TDRD15: variants seen among roughly 807,000 people sequenced by gnomAD.
TDRD15 encodes the protein tudor domain containing 15.
For missense variants in TDRD15, 1,416 were observed against 904.7 expected, an observed-to-expected ratio of 1.57 and a Z score of -7.25; for synonymous variants, 503 against 314.5, an observed-to-expected ratio of 1.60 and a Z score of -6.34.
chr2:21,131,783 T>C (rs1051270959), intron 2 of TDRD15, among the ~76,000 whole-genome samples: 4 of 152,178 alleles, frequency 2.6e-5, no homozygotes, highest in Admixed American at 2.6e-4. Context: ...ATGAATTAAA[T>C]ATATTTTAAA....
In TDRD15 at chr2:21,141,339, T is replaced by G. The variant is rs1208568981; in HGVS notation, c.3872T>G (p.Ile1291Ser). Residue 1291 changes from isoleucine to serine, a missense_variant, in exon 4 of 4, where the codon ATT becomes AGT. By Grantham distance (142) the Ile-to-Ser change is moderately radical (BLOSUM62 -2). Transcript: ENST00000405799. ...PQIKDLPQPQIYLNAKVKGYV... is the reference protein window; with the variant it reads ...PQIKDLPQPQSYLNAKVKGYV... ...ATCAAAGACCTTCCTCAACCGCAAA[T>G]TTATTTGAATGCCAAAGTTAAAGGG... The G allele has an allele frequency of 5.6e-6, 4 of 715,846 alleles. No individual in the cohort carries two copies. The highest frequency in any genetic ancestry group is 1.0e-5 in the Non-Finnish European group (4 of 383,900). 44.3% of individuals were successfully genotyped at this position (715,846 alleles called of 1,614,324 possible).
rs1665922504 is a variant in TDRD15, at chr2:21,141,263, G to A, written c.3796G>A (p.Ala1266Thr). ...VKVVSQSFIR[A>T]LNQTTSQNPY... Reference sequence around the variant, plus strand: ...GGTTGTATCACAGTCTTTTATCAGAGCATTAAATCAAACAACCTCACAAAA... The same window carrying A: ...GGTTGTATCACAGTCTTTTATCAGAACATTAAATCAAACAACCTCACAAAA... Residue 1266 changes from alanine (A) to threonine (T), a missense_variant, in exon 4 of 4, where the codon GCA becomes ACA. Physicochemically the swap from Ala to Thr is moderately conservative, Grantham distance 58 (BLOSUM62 0). Transcript: ENST00000405799. The A allele has an allele frequency of 2.8e-6, 2 of 712,094 alleles. No homozygotes were observed. The highest frequency in any genetic ancestry group is 2.0e-5 in the Admixed American group (1 of 48,986). The allele number at this position is 712,094 out of a possible 1,614,324, so 44.1% of individuals were successfully genotyped here. A position where few individuals can be genotyped will look rare whatever the true frequency, so the allele number is the denominator to read the frequency against.
At chr2:21,131,616 C>T (rs1445471257) in intron 2 of TDRD15, among the ~76,000 whole-genome samples, 1 of 152,100 alleles carries the variant, frequency 6.6e-6, no homozygotes, top group Non-Finnish European at 1.5e-5. Flanking sequence ...AATGTAGAAG[C>T]AGATATGAGA....
chr2:21,130,306 A>G (rs1424053632), intron 2 of TDRD15, among the ~76,000 whole-genome samples: 1 of 152,218 alleles, frequency 6.6e-6, no homozygotes, highest in Non-Finnish European at 1.5e-5. Flanking sequence ...TGATAAACTC[A>G]TTGTAAATTG....
chr2:21,133,621 A>G (rs929038195), intron 2 of TDRD15, among the ~76,000 whole-genome samples: 2 of 152,190 alleles, frequency 1.3e-5, no homozygotes, highest in South Asian at 4.1e-4. Context: ...TGTGAAGATC[A>G]GTTAAACTAG....
At chr2:21,136,852 A>G (rs1228769914) in intron 3 of TDRD15, among the ~76,000 whole-genome samples, 1 of 151,988 alleles carries the variant, frequency 6.6e-6, no homozygotes, top group African/African-American at 2.4e-5. Flanking sequence ...GTGTCTTTCT[A>G]TGCTTAGCTT....
In TDRD15 at chr2:21,141,528, C is replaced by G. The variant is rs1356588154; in HGVS notation, c.4061C>G (p.Ser1354Cys). The change falls in exon 4 of 4, where the codon TCT becomes TGT. Residue 1354 changes from serine (S) to cysteine (C), a missense_variant. Ser to Cys is a moderately radical substitution (Grantham distance 112, BLOSUM62 -1). Transcript: ENST00000405799. ...GGAGATCTTGTAGTTGCAGAATATT[C>G]TGGTGACAATGCCATTTACAGGGCA... The part of the protein sequence containing the change: ...LVGDLVVAEY[S>C]GDNAIYRAVI... 5 of 714,896 alleles carry G rather than the reference C, an allele frequency of 7.0e-6. No homozygotes were observed. Among genetic ancestry groups the G allele is most frequent in the Non-Finnish European group, 7.8e-6 (3 of 383,588 alleles). The allele number at this position is 714,896 out of a possible 1,614,324, so 44.3% of individuals were successfully genotyped here. A position where few individuals can be genotyped will look rare whatever the true frequency, so the allele number is the denominator to read the frequency against.
rs554131199 is a variant in TDRD15 at position 21,143,855 on chromosome 2, T to G, written c.*583T>G. Among the ~76,000 whole-genome samples, 95 of 151,864 alleles carry G rather than the reference T, an allele frequency of 6.3e-4. 2 individuals are homozygous for G. The South Asian group carries it at 0.02, about 31-fold the overall frequency. The stretch of plus-strand genomic sequence containing the variant: ...GGCCACTACGATTTTAAAACGTTGC[T>G]TCACTATCTTTACATTTTTTGAATG... On this transcript the variant is annotated 3_prime_UTR_variant, in exon 4 of 4. Transcript: ENST00000405799.
At chr2:21,147,216 G>A (rs1271228073), downstream of TDRD15, among the ~76,000 whole-genome samples, 1 of 151,862 alleles carries the variant, frequency 6.6e-6, no homozygotes, top group East Asian at 1.9e-4. Context: ...TATATTTAAG[G>A]TGAATACACA....
rs1239114872 is a variant in TDRD15 at position 21,141,809 on chromosome 2, G to T, written c.4342G>T (p.Asp1448Tyr). ...TTATTGTGAATTTTTGAAAAAGCAT[G>T]ATCAGAAATGGGAAGTAAATATGAT... ...TVYCEFLKKH[D>Y]QKWEVNMICD... Residue 1448 changes from aspartate to tyrosine, a missense_variant, in exon 4 of 4, where the codon GAT becomes TAT. Coordinates refer to ENST00000405799, the MANE Select transcript of TDRD15 (RefSeq NM_001306137.2). 1.4e-6 allele frequency: 1 copy of T among 713,798 alleles called. No individual in the cohort carries two copies. Among genetic ancestry groups the T allele is most frequent in the South Asian group, 1.5e-5 (1 of 66,904 alleles). The allele number at this position is 713,798 out of a possible 1,614,324, so 44.2% of individuals were successfully genotyped here.
rs17041808 is a variant in TDRD15, at chr2:21,134,537, T to C, written c.-89-225T>C. 9.3e-3 allele frequency among the ~76,000 whole-genome samples: 1,415 copies of C among 152,138 alleles called. 24 individuals are homozygous for C. The highest frequency in any genetic ancestry group is 0.031 in the African/African-American group (1,275 of 41,550). ...TCAAACATCATAATAAGTCAAATTA[T>C]ATGATAAGGCTGCTATCGGCTTGTT... On this transcript the variant is annotated intron_variant, in intron 2 of 3. Transcript: ENST00000405799.
chr2:21,134,475 C>G (rs1333481486), intron 2 of TDRD15, among the ~76,000 whole-genome samples: 6 of 151,788 alleles, frequency 4.0e-5, no homozygotes, highest in Non-Finnish European at 8.8e-5. Flanking sequence ...GTAGACTGTT[C>G]CATATTTGTG....
chr2:21,137,573 A>G lies in TDRD15; in HGVS notation c.106A>G (p.Ser36Gly), dbSNP rs181321692. The part of the protein sequence containing the change: ...DILVKFQGIK[S>G]NECEFDYHVL... ...TCTGGTGAAATTTCAAGGCATAAAG[A>G]GTAATGAATGTGAGTTTGACTACCA... Residue 36 changes from serine (S) to glycine (G), a missense_variant, in exon 4 of 4, where the codon AGT becomes GGT. By Grantham distance (56) the Ser-to-Gly change is moderately conservative (BLOSUM62 0). Coordinates refer to ENST00000405799, the MANE Select transcript of TDRD15 (RefSeq NM_001306137.2). 2 of 715,596 alleles carry G rather than the reference A, an allele frequency of 2.8e-6. No individual in the cohort carries two copies. Among genetic ancestry groups the G allele is most frequent in the African/African-American group, 1.7e-5 (1 of 57,144 alleles). 44.3% of individuals were successfully genotyped at this position (715,596 alleles called of 1,614,324 possible). A position where few individuals can be genotyped will look rare whatever the true frequency, so the allele number is the denominator to read the frequency against.
Position 21,138,558 on chromosome 2 carries a change from G to A in TDRD15, c.1091G>A (p.Arg364Lys). ...CSLTCLHSPD[R>K]DARIFQLSIF... ...CTGACATGTTTGCACAGTCCAGATA[G>A]AGATGCAAGAATATTTCAACTGAGT... The change falls in exon 4 of 4, where the codon AGA (arginine) becomes AAA (lysine). Residue 364 changes from arginine to lysine, a missense_variant. By Grantham distance (26) the Arg-to-Lys change is conservative. Transcript: ENST00000405799. The A allele has an allele frequency of 1.4e-6, 1 of 715,200 alleles. No homozygotes were observed. Among genetic ancestry groups the A allele is most frequent in the Non-Finnish European group, 2.6e-6 (1 of 384,116 alleles). The allele number at this position is 715,200 out of a possible 1,614,324, so 44.3% of individuals were successfully genotyped here.
chr2:21,137,338 A>G (rs530336308), intron 3 of TDRD15, 127 bp from the exon 4 acceptor site: 14 of 462,660 alleles, frequency 3.0e-5, no homozygotes, highest in Admixed American at 1.2e-4. Flanking sequence ...TATAATTTTT[A>G]TCAACATGTT....
In TDRD15 at chr2:21,141,111, A is replaced by G. The variant is rs1325400825; in HGVS notation, c.3644A>G (p.Tyr1215Cys). 2.8e-6 allele frequency: 2 copies of G among 708,628 alleles called. No homozygotes were observed. Among genetic ancestry groups the G allele is most frequent in the African/African-American group, 3.5e-5 (2 of 56,576 alleles). 43.9% of individuals were successfully genotyped at this position (708,628 alleles called of 1,614,324 possible). A position where few individuals can be genotyped will look rare whatever the true frequency, so the allele number is the denominator to read the frequency against. ...HARFLKPSVC[Y>C]KMEPVSKNKM... ...AGGTTTTTGAAGCCATCAGTTTGTT[A>G]TAAAATGGAACCTGTGTCAAAAAAC... is the stretch of plus-strand genomic sequence containing the variant. The change falls in exon 4 of 4, where the codon TAT (tyrosine) becomes TGT (cysteine). Residue 1215 changes from tyrosine (Y) to cysteine (C), a missense_variant. Transcript: ENST00000405799.
chr2:21,126,568 G>A lies in TDRD15; in HGVS notation c.-200-1033G>A, dbSNP rs180796891. On this transcript the variant is annotated intron_variant, in intron 1 of 3. Transcript: ENST00000405799. ...TTTAGTAGAGACGGGGTTTCTCTGT[G>A]TTGGTCAGGCTGATCTTGAACTCCC... Among the ~76,000 whole-genome samples the A allele has an allele frequency of 1.7e-3, 264 of 152,246 alleles. 1 individual carries two copies. Among genetic ancestry groups the A allele is most frequent in the African/African-American group, 5.4e-3 (224 of 41,538 alleles).
chr2:21,139,658 T>A lies in TDRD15; in HGVS notation c.2191T>A (p.Phe731Ile). 1 of 713,354 alleles carries A rather than the reference T, an allele frequency of 1.4e-6. No individual in the cohort carries two copies. The highest frequency in any genetic ancestry group is 2.6e-6 in the Non-Finnish European group (1 of 383,448). The allele number at this position is 713,354 out of a possible 1,614,324, so 44.2% of individuals were successfully genotyped here. ...GTCCCTAGCTGTTAATATCTCAGAA[T>A]TTAAAAATCCTTTCACCTTGTCTGT... ...PKSLAVNISEFKNPFTLSVGP... is the reference protein window; with the variant it reads ...PKSLAVNISEIKNPFTLSVGP... Residue 731 changes from phenylalanine (F) to isoleucine (I), a missense_variant, in exon 4 of 4, where the codon TTT (phenylalanine) becomes ATT (isoleucine). By Grantham distance (21) the Phe-to-Ile change is conservative. Coordinates refer to ENST00000405799, the MANE Select transcript of TDRD15 (RefSeq NM_001306137.2).
Position 21,140,345 on chromosome 2 carries a change from A to G in TDRD15, c.2878A>G (p.Asn960Asp). The G allele has an allele frequency of 1.4e-6, 1 of 708,806 alleles. No individual in the cohort carries two copies. The highest frequency in any genetic ancestry group is 2.1e-5 in the Admixed American group (1 of 48,426). The allele number at this position is 708,806 out of a possible 1,614,324, so 43.9% of individuals were successfully genotyped here. ...SLYSYCYSSF[N>D]IQIGSEEEVY... ...TTACAGTTACTGTTATTCTTCCTTT[A>G]ATATACAAATTGGAAGTGAAGAAGA... The change falls in exon 4 of 4, where the codon AAT becomes GAT. Residue 960 changes from asparagine to aspartate, a missense_variant. Transcript: ENST00000405799.
Sources: allele counts gnomAD v4.1 joint callset (sites outside exome capture counted in the v4.1 genomes callset), GRCh38; gene constraint gnomAD v4.1.1; transcripts MANE v1.5; gene names NCBI Gene and HGNC (gene_info 2026-07-23, HGNC 2026-07-21).